CDH13: variants seen among roughly 807,000 people sequenced by gnomAD.
CDH13 encodes cadherin-13.
Under a neutral mutation model 63.8 loss-of-function variants are expected in CDH13, and 24 were observed. The observed-to-expected ratio is 0.38, with a 90% CI of 0.27 to 0.53. CDH13 has a LOEUF of 0.53. CDH13 is among the 20% of genes least tolerant of loss of function. The pLI is 0.85. For synonymous variants in CDH13, 503 were observed against 355.3 expected (o/e 1.42, Z -4.67); for missense variants, 1,049 against 903.1 (o/e 1.16, Z -2.07).
chr16:83,244,629 C>G (rs1904802472), intron 5 of CDH13, among the ~76,000 whole-genome samples: 1 of 152,102 alleles, frequency 6.6e-6, no homozygotes, highest in Admixed American at 6.6e-5. Flanking sequence ...GCTAGAAAGA[C>G]TCATGGACTC....
chr16:82,715,226 A>C (rs1258816967), intron 1 of CDH13, among the ~76,000 whole-genome samples: 1 of 151,886 alleles, frequency 6.6e-6, no homozygotes, highest in African/African-American at 2.4e-5. Flanking sequence ...TATCAGGAGA[A>C]GCTTTTTCAC....
intron 7 of CDH13, among the ~76,000 whole-genome samples, chr16:83,550,688 G>A (rs1041222720): frequency 6.6e-6 from 1 of 152,168 alleles, no homozygotes; most frequent in Admixed American, 6.5e-5. Context: ...AGTTCCATGA[G>A]GCCAGAGATC....
At chr16:82,815,474 G>A (rs2037659303) in intron 1 of CDH13, among the ~76,000 whole-genome samples, 1 of 152,112 alleles carries the variant, frequency 6.6e-6, no homozygotes, top group Middle Eastern at 3.2e-3. Context: ...TGTGTCAGGT[G>A]CTCAGAACAA....
intron 8 of CDH13, among the ~76,000 whole-genome samples, chr16:83,616,889 C>T (rs1048046657): frequency 1.3e-5 from 2 of 152,208 alleles, no homozygotes; most frequent in African/African-American, 4.8e-5. Flanking sequence ...TTTACCCCTA[C>T]GTGCCAAGCT....
rs764955672 is a variant in CDH13 at position 83,168,610 on chromosome 16, A to T, written c.483+43109A>T. Among the ~76,000 whole-genome samples, 25 of 151,908 alleles carry T rather than the reference A, an allele frequency of 1.6e-4. 1 individual carries two copies. The highest frequency in any genetic ancestry group is 3.6e-4 in the African/African-American group (15 of 41,402). ...CAGTATTGTTAGTAAAATAAATTTT[A>T]AAAAAAACGAACTTGTAATTTCCCC... On this transcript the variant is annotated intron_variant, in intron 4 of 13. Coordinates refer to ENST00000567109, the MANE Select transcript of CDH13 (RefSeq NM_001257.5).
chr16:82,642,127 A>G (rs1476041406), intron 1 of CDH13, among the ~76,000 whole-genome samples: 1 of 150,818 alleles, frequency 6.6e-6, no homozygotes, highest in Non-Finnish European at 1.5e-5. Flanking sequence ...TGCTTGGCAA[A>G]TGTGTGTTCA....
At chr16:83,009,753 A>G (rs781357053) in intron 2 of CDH13, among the ~76,000 whole-genome samples, 1 of 152,254 alleles carries the variant, frequency 6.6e-6, no homozygotes, top group Non-Finnish European at 1.5e-5. Flanking sequence ...AGATTATGCC[A>G]TCTAGGAAAT....
chr16:83,269,247 C>T (rs1317610709), intron 5 of CDH13, among the ~76,000 whole-genome samples: 2 of 152,300 alleles, frequency 1.3e-5, no homozygotes, highest in South Asian at 4.1e-4. Context: ...ACTGTTGTAT[C>T]TTATGAGGCC....
At chr16:82,653,721 G>A (rs536262530) in intron 1 of CDH13, among the ~76,000 whole-genome samples, 5 of 152,260 alleles carry the variant, frequency 3.3e-5, no homozygotes, top group South Asian at 2.1e-4. Flanking sequence ...CCCTGGAGGC[G>A]CAGGAACTAG....
chr16:82,710,125 A>G (rs774256983), intron 1 of CDH13, among the ~76,000 whole-genome samples: 12 of 147,940 alleles, frequency 8.1e-5, no homozygotes, highest in Non-Finnish European at 1.5e-4. Context: ...TATAGATTTA[A>G]TATATAATAT....
intron 1 of CDH13, among the ~76,000 whole-genome samples, chr16:82,747,252 T>A (rs1201504157): frequency 6.6e-6 from 1 of 152,192 alleles, no homozygotes; most frequent in Non-Finnish European, 1.5e-5. Context: ...GGTTAGAAAT[T>A]CATAATCTGT....
At chr16:83,097,749 A>G (rs1254930628) in intron 3 of CDH13, among the ~76,000 whole-genome samples, 1 of 152,244 alleles carries the variant, frequency 6.6e-6, no homozygotes, top group African/African-American at 2.4e-5. Flanking sequence ...AACTAGTTGC[A>G]TTTGATCTAA....
chr16:83,025,520 T>C (rs1197967961), intron 2 of CDH13, among the ~76,000 whole-genome samples: 14 of 152,138 alleles, frequency 9.2e-5, no homozygotes, highest in Admixed American at 9.2e-4. Context: ...AAGAATAGCA[T>C]GGAGGTAACC....
At chr16:83,231,188 CT>C (rs1325811312) in intron 5 of CDH13, among the ~76,000 whole-genome samples, 1 of 152,194 alleles carries the variant, frequency 6.6e-6, no homozygotes, top group Non-Finnish European at 1.5e-5. Flanking sequence ...TCCTCCACCC[CT>C]ATCCTCACTT....
At chr16:82,673,926 C>G (rs914633520) in intron 1 of CDH13, among the ~76,000 whole-genome samples, 1 of 152,160 alleles carries the variant, frequency 6.6e-6, no homozygotes, top group South Asian at 2.1e-4. Context: ...CTTTCTGCAT[C>G]TTTAGTATGT....
intron 5 of CDH13, among the ~76,000 whole-genome samples, chr16:83,320,155 T>C (rs371421750): frequency 1.3e-5 from 2 of 152,000 alleles, no homozygotes; most frequent in East Asian, 3.9e-4. Context: ...TCCTTGCATC[T>C]CAACCTCACG....
At chr16:82,900,702 A>G (rs11150519) in intron 2 of CDH13, among the ~76,000 whole-genome samples, 33,232 of 152,206 alleles carry the variant, frequency 0.22, 5,007 homozygotes, top group East Asian at 0.75. Context: ...AATCAAGAGT[A>G]TAGGTCAAGA....
chr16:83,593,577 T>A (rs1364034934), intron 7 of CDH13, among the ~76,000 whole-genome samples: 1 of 150,748 alleles, frequency 6.6e-6, no homozygotes, highest in African/African-American at 2.4e-5. Context: ...TATATATAAT[T>A]GTATATTTAT....
chr16:83,630,370 A>C (rs1438334455), intron 8 of CDH13, among the ~76,000 whole-genome samples: 1 of 152,208 alleles, frequency 6.6e-6, no homozygotes, highest in African/African-American at 2.4e-5. Flanking sequence ...GGAGGTCCTG[A>C]TGACACGTGC....
Sources: allele counts gnomAD v4.1 joint callset (sites outside exome capture counted in the v4.1 genomes callset), GRCh38; gene constraint gnomAD v4.1.1; transcripts MANE v1.5; gene names NCBI Gene and HGNC (gene_info 2026-07-23, HGNC 2026-07-21).